FOXP2: variants seen among roughly 807,000 people sequenced by gnomAD.
The protein encoded by FOXP2 is forkhead box P2.
A neutral mutation model predicts 115.8 loss-of-function variants in FOXP2; 12 were observed. The ratio of observed to expected loss-of-function variants is 0.10; its 90% CI spans 0.07 to 0.17. FOXP2 has a LOEUF of 0.17. Ranked by LOEUF, FOXP2 falls within the 10% of genes least tolerant of loss-of-function variation. The pLI is 1.00. For missense variants in FOXP2, 629 were observed against 843.5 expected, an observed-to-expected ratio of 0.75 and a Z score of 3.15; for synonymous variants, 328 against 297.7, an observed-to-expected ratio of 1.10 and a Z score of -1.05.
intron 1 of FOXP2, among the ~76,000 whole-genome samples, chr7:114,274,677 C>CG (rs1241500289): frequency 7.7e-6 from 1 of 130,158 alleles, no homozygotes; most frequent in Non-Finnish European, 1.6e-5. Context: ...TGCAGTGGCA[C>CG]GATCTCGGCT....
chr7:114,159,710 T>G (rs1450537709), upstream of FOXP2, among the ~76,000 whole-genome samples: 1 of 152,112 alleles, frequency 6.6e-6, no homozygotes, highest in Non-Finnish European at 1.5e-5. Context: ...TTCACATTTA[T>G]TCAGTGCTAG....
chr7:114,151,567 G>A (rs1562982904), intron 1 of FOXP2, among the ~76,000 whole-genome samples: 1 of 151,946 alleles, frequency 6.6e-6, no homozygotes, highest in African/African-American at 2.4e-5. Flanking sequence ...TTGTGTGTGT[G>A]TGTTATTTTC....
chr7:114,655,114 G>A (rs1433611296), intron 10 of FOXP2, among the ~76,000 whole-genome samples: 1 of 151,962 alleles, frequency 6.6e-6, no homozygotes, highest in Non-Finnish European at 1.5e-5. Flanking sequence ...AAATGTCTGA[G>A]TTTTTAATTA....
At chr7:114,632,352 T>C (rs1056136656) in intron 6 of FOXP2, among the ~76,000 whole-genome samples, 2 of 152,230 alleles carry the variant, frequency 1.3e-5, no homozygotes, top group African/African-American at 4.8e-5. Context: ...AATACAATTG[T>C]GTGTCATATT....
chr7:114,305,761 T>C (rs897919683), intron 2 of FOXP2, among the ~76,000 whole-genome samples: 96 of 152,292 alleles, frequency 6.3e-4, no homozygotes, highest in Admixed American at 7.2e-4. Flanking sequence ...GTGTTTGCTC[T>C]GTGCCAGGTT....
intron 14 of FOXP2, 64 bp from the exon 15 acceptor site, chr7:114,663,386 G>T: frequency 1.7e-6 from 2 of 1,179,040 alleles, no homozygotes; most frequent in South Asian, 1.2e-5. Flanking sequence ...TTATAGCTGA[G>T]ACTATTGATA....
At chr7:114,309,613 G>A (rs189786602) in intron 2 of FOXP2, among the ~76,000 whole-genome samples, 1 of 152,140 alleles carries the variant, frequency 6.6e-6, no homozygotes, top group East Asian at 1.9e-4. Flanking sequence ...ACTCAAGATT[G>A]TCTGATCAGC....
At chr7:114,537,247 A>AAT (rs1386046251) in intron 3 of FOXP2, among the ~76,000 whole-genome samples, 1 of 151,568 alleles carries the variant, frequency 6.6e-6, no homozygotes, top group Admixed American at 6.6e-5. Flanking sequence ...TTAGTGTATT[A>AAT]TCTTTACATT....
chr7:114,265,126 T>C (rs551462196), intron 1 of FOXP2, among the ~76,000 whole-genome samples: 44 of 152,262 alleles, frequency 2.9e-4, no homozygotes, highest in African/African-American at 9.6e-4. Flanking sequence ...TTCCCCAAAG[T>C]CTTAACTCAT....
At chr7:114,206,713 T>G (rs1428223340) in intron 1 of FOXP2, among the ~76,000 whole-genome samples, 2 of 152,232 alleles carry the variant, frequency 1.3e-5, no homozygotes, top group Non-Finnish European at 2.9e-5. Flanking sequence ...GAATAGATCT[T>G]TGATAAGTTT....
intron 1 of FOXP2, among the ~76,000 whole-genome samples, chr7:114,192,607 A>C (rs1793789804): frequency 6.6e-6 from 1 of 152,220 alleles, no homozygotes; most frequent in African/African-American, 2.4e-5. Flanking sequence ...ATATTTAAAA[A>C]AATCTAGGTT....
At chr7:114,645,374 TA>T (rs1236539873) in intron 8 of FOXP2, 1 of 151,796 alleles carries the variant, frequency 6.6e-6, no homozygotes, top group Non-Finnish European at 1.5e-5. Flanking sequence ...CACATGGCTA[TA>T]TGTTTGTATA....
intron 1 of FOXP2, among the ~76,000 whole-genome samples, chr7:114,284,618 A>C (rs542049523): frequency 6.6e-6 from 1 of 152,294 alleles, no homozygotes; most frequent in South Asian, 2.1e-4. Flanking sequence ...GTGGAAGTGT[A>C]AATTAGTTCA....
chr7:114,090,797 A>G (rs1016247283), intron 1 of FOXP2, among the ~76,000 whole-genome samples: 2 of 150,878 alleles, frequency 1.3e-5, no homozygotes, highest in Non-Finnish European at 3.0e-5. Context: ...AAGTACAATT[A>G]TTTACATTCT....
intron 1 of FOXP2, among the ~76,000 whole-genome samples, chr7:114,212,441 C>A (rs1425262666): frequency 6.6e-6 from 1 of 151,710 alleles, no homozygotes; most frequent in Non-Finnish European, 1.5e-5. Context: ...TTTACCCTCA[C>A]AGATGAAAAA....
intron 1 of FOXP2, among the ~76,000 whole-genome samples, chr7:114,263,658 C>A (rs531743085): frequency 6.6e-6 from 1 of 151,546 alleles, no homozygotes. Flanking sequence ...GAAATGTATT[C>A]TTCCTTTGGC....
At chr7:114,336,553 C>T (rs1299462864) in intron 2 of FOXP2, among the ~76,000 whole-genome samples, 1 of 151,438 alleles carries the variant, frequency 6.6e-6, no homozygotes, top group Non-Finnish European at 1.5e-5. Context: ...CCTAGAAATC[C>T]ATCTTGAAAT....
intron 1 of FOXP2, among the ~76,000 whole-genome samples, chr7:114,270,328 G>A (rs1796005313): frequency 6.6e-6 from 1 of 152,068 alleles, no homozygotes; most frequent in African/African-American, 2.4e-5. Flanking sequence ...AGTTCATTTG[G>A]CTAAATACCA....
At chr7:114,236,030 A>G (rs982160757) in intron 1 of FOXP2, among the ~76,000 whole-genome samples, 12 of 152,286 alleles carry the variant, frequency 7.9e-5, no homozygotes, top group African/African-American at 2.9e-4. Flanking sequence ...CCTTGGGAGA[A>G]ACATCTATCC....
Sources: allele counts gnomAD v4.1 joint callset (sites outside exome capture counted in the v4.1 genomes callset), GRCh38; gene constraint gnomAD v4.1.1; transcripts MANE v1.5; gene names NCBI Gene and HGNC (gene_info 2026-07-23, HGNC 2026-07-21).